TOPAZ1: variants seen among roughly 807,000 people sequenced by gnomAD.
TOPAZ1 encodes protein TOPAZ1.
Under a neutral mutation model 172.2 loss-of-function variants are expected in TOPAZ1, and 66 were observed. The ratio of observed to expected loss-of-function variants is 0.38; its 90% confidence interval spans 0.31 to 0.47. The LOEUF (loss-of-function observed/expected upper bound fraction) is 0.47. Ranked by LOEUF, TOPAZ1 falls within the 20% of genes least tolerant of loss-of-function variation. The pLI is 0.99. For synonymous variants in TOPAZ1, 681 were observed against 683.9 expected, an observed-to-expected ratio of 1.00 and a Z score of 0.07; for missense variants, 1,822 against 1,972.4, an observed-to-expected ratio of 0.92 and a Z score of 1.44.
rs143784985 is a variant in TOPAZ1 at position 44,315,668 on chromosome 3, G to A, written c.4307-5359G>A. ...ATTACAGGCGTGAGCCACCATGCCC[G>A]GCATCTTCATTTTCAATCAGTGGCT... On this transcript the variant is annotated intron_variant, in intron 16 of 19. Coordinates refer to ENST00000309765, the MANE Select transcript of TOPAZ1 (RefSeq NM_001145030.2). Among the ~76,000 whole-genome samples, 1,107 of 151,538 alleles carry A rather than the reference G, an allele frequency of 7.3e-3. 12 individuals carry two copies. The highest frequency in any genetic ancestry group is 0.026 in the African/African-American group (1,060 of 41,352).
chr3:44,324,013 C>T (rs541961691), intron 18 of TOPAZ1, among the ~76,000 whole-genome samples: 2 of 152,270 alleles, frequency 1.3e-5, no homozygotes, highest in African/African-American at 4.8e-5. Context: ...CTCTGTGTCA[C>T]CCCGTACCAA....
At chr3:44,296,272 A>G (rs918325719) in intron 12 of TOPAZ1, among the ~76,000 whole-genome samples, 1 of 152,228 alleles carries the variant, frequency 6.6e-6, no homozygotes, top group Admixed American at 6.5e-5. Context: ...ACAAGGAAAA[A>G]TAAGAGCAAA....
intron 4 of TOPAZ1, among the ~76,000 whole-genome samples, chr3:44,257,481 T>TA (rs1699728151): frequency 2.3e-5 from 1 of 43,954 alleles, no homozygotes; most frequent in African/African-American, 5.8e-5. Context: ...TGTGTGTGTG[T>TA]GTGTGTGTGT....
intron 3 of TOPAZ1, 120 bp from the exon 4 acceptor site, chr3:44,256,031 A>G: frequency 1.7e-6 from 1 of 591,308 alleles, no homozygotes; most frequent in Non-Finnish European, 2.8e-6. Flanking sequence ...TCTGCTTCAT[A>G]TTTGTCACAT....
chr3:44,314,817 G>T (rs772095115), intron 16 of TOPAZ1, among the ~76,000 whole-genome samples: 1 of 152,030 alleles, frequency 6.6e-6, no homozygotes, highest in Non-Finnish European at 1.5e-5. Context: ...GTCTGGGGTG[G>T]GTCCTAAAAA....
intron 12 of TOPAZ1, among the ~76,000 whole-genome samples, chr3:44,303,479 CTT>C (rs34565826): frequency 0.19 from 21,081 of 110,006 alleles, 1,768 homozygotes; most frequent in African/African-American, 0.27. Flanking sequence ...TGCTTGCTTG[CTT>C]TTTTTTTTTT....
At chr3:44,295,833 A>G (rs994051100) in intron 12 of TOPAZ1, among the ~76,000 whole-genome samples, 1 of 152,176 alleles carries the variant, frequency 6.6e-6, no homozygotes, top group Non-Finnish European at 1.5e-5. Context: ...CTGGGAAATC[A>G]GCAAAGATAT....
intron 16 of TOPAZ1, among the ~76,000 whole-genome samples, chr3:44,311,813 T>C (rs1187171917): frequency 6.6e-6 from 1 of 152,086 alleles, no homozygotes; most frequent in Non-Finnish European, 1.5e-5. Context: ...TCACTTGTAA[T>C]AAGAGAAATA....
Position 44,241,998 on chromosome 3 carries a change from C to A in TOPAZ1, c.-56C>A. 1.3e-6 allele frequency: 2 copies of A among 1,483,796 alleles called. No homozygotes were observed. Among genetic ancestry groups the A allele is most frequent in the South Asian group, 1.2e-5 (1 of 81,890 alleles). The allele number at this position is 1,483,796 out of a possible 1,614,324, so 91.9% of individuals were successfully genotyped here. On this transcript the variant is annotated 5_prime_UTR_variant, in exon 1 of 20. Coordinates refer to ENST00000309765, the MANE Select transcript of TOPAZ1 (RefSeq NM_001145030.2). ...CCAGGCGGGAGCAGCGTTTGCACCG[C>A]GGTGGGTTCCTGCGAGCTGGTGCAG...
At chr3:44,302,670 C>T (rs1700286145) in intron 12 of TOPAZ1, among the ~76,000 whole-genome samples, 2 of 152,256 alleles carry the variant, frequency 1.3e-5, no homozygotes, top group South Asian at 4.1e-4. Context: ...TGGATGTACG[C>T]TTCTCCATAT....
intron 18 of TOPAZ1, among the ~76,000 whole-genome samples, chr3:44,324,891 T>G (rs769128884): frequency 2.0e-5 from 3 of 152,208 alleles, no homozygotes; most frequent in Non-Finnish European, 2.9e-5. Flanking sequence ...AATTAATGCC[T>G]GTGTACAATA....
intron 8 of TOPAZ1, among the ~76,000 whole-genome samples, chr3:44,272,035 A>G (rs1699904643): frequency 6.6e-6 from 1 of 152,126 alleles, no homozygotes. Context: ...TATTTCAGTT[A>G]GCATGTTCTC....
intron 8 of TOPAZ1, among the ~76,000 whole-genome samples, chr3:44,274,829 C>T (rs1485591211): frequency 2.0e-5 from 3 of 152,132 alleles, no homozygotes; most frequent in Admixed American, 1.3e-4. Context: ...GCTGGGATTA[C>T]AGAGCCATTG....
downstream of TOPAZ1, among the ~76,000 whole-genome samples, chr3:44,333,877 C>T (rs768893891): frequency 2.0e-5 from 3 of 152,158 alleles, no homozygotes; most frequent in Admixed American, 6.5e-5. Context: ...GGCGCTTCAG[C>T]AAGAGAGGAC....
In TOPAZ1 at chr3:44,255,006, A is replaced by T. The variant is rs1349397416; in HGVS notation, c.2804A>T (p.Asp935Val). The stretch of plus-strand genomic sequence containing the variant: ...CTGGACTGTGGATGGATAAAGCCAG[A>T]CATCTGTGCTTCCAACTCAGCAGGT... ...PVLDCGWIKP[D>V]ICASNSAESE... The change falls in exon 3 of 20, where the codon GAC (aspartate) becomes GTC (valine). Residue 935 changes from aspartate to valine, a missense_variant. Asp to Val is a radical substitution (Grantham distance 152, BLOSUM62 -3). This residue lies in a region of TOPAZ1 where 1,489 missense variants were observed against 1,490.8 expected (regional missense o/e 1.00). Transcript: ENST00000309765. The T allele has an allele frequency of 2.6e-6, 4 of 1,551,508 alleles. No individual in the cohort carries two copies. In the African/African-American group the frequency reaches 4.1e-5, roughly 16 times the overall value.
chr3:44,270,620 G>A, intron 7 of TOPAZ1, 65 bp from the exon 8 acceptor site: 1 of 1,227,956 alleles, frequency 8.1e-7, no homozygotes, highest in South Asian at 2.4e-5. Context: ...TTCAAATGCT[G>A]TCTTGCTTAA....
intron 16 of TOPAZ1, 50 bp from the exon 17 acceptor site, chr3:44,320,977 A>T (rs1700500795): frequency 8.4e-7 from 1 of 1,194,714 alleles, no homozygotes; most frequent in Non-Finnish European, 1.2e-6. Flanking sequence ...TTATACTGTT[A>T]AGTGTCATTT....
chr3:44,277,320 C>G (rs1269061334), intron 8 of TOPAZ1, among the ~76,000 whole-genome samples: 1 of 152,106 alleles, frequency 6.6e-6, no homozygotes, highest in Non-Finnish European at 1.5e-5. Context: ...TATAGAAACA[C>G]TATTAATTTT....
Position 44,269,471 on chromosome 3 carries a change from CTTTTTTTTTTTTTTT to C in TOPAZ1, c.3246+187_3246+201del, listed in dbSNP as rs71085612. 7.0e-3 allele frequency among the ~76,000 whole-genome samples: 237 copies of C among 33,938 alleles called. 2 individuals carry two copies. Among genetic ancestry groups the C allele is most frequent in the African/African-American group, 0.032 (195 of 6,126 alleles). The allele number at this position is 33,938 out of a possible 152,430, so 22.3% of individuals were successfully genotyped here. ...CCTTTTGATTGTATTTCCCTATCAT[CTTTTTTTTTTTTTTT>C]TTTTTTTTTTTTTTTTGAGACGGAG... On this transcript the variant is annotated intron_variant, in intron 7 of 19. Transcript: ENST00000309765.
Sources: allele counts gnomAD v4.1 joint callset (sites outside exome capture counted in the v4.1 genomes callset), GRCh38; gene constraint gnomAD v4.1.1; regional missense constraint gnomAD v4.1.1; transcripts MANE v1.5; gene names NCBI Gene and HGNC (gene_info 2026-07-23, HGNC 2026-07-21).